The following CEP290 variants were observed in gnomAD, a reference collection of about 807,000 sequenced individuals.
CEP290 encodes centrosomal protein 290, also known as centrosomal protein of 290 kDa.
A neutral mutation model predicts 344.9 loss-of-function variants in CEP290; 317 were observed. The observed-to-expected ratio is 0.92, with a 90% CI of 0.84 to 1.01. CEP290 has a LOEUF of 1.01. Ranked by LOEUF, CEP290 falls within the 50% of genes least tolerant of loss-of-function variation. The probability of loss-of-function intolerance (pLI) is 0.00; values close to 1 mark genes in which losing one functional copy is unlikely to be tolerated. For synonymous variants in CEP290, 932 were observed against 895.8 expected, an observed-to-expected ratio of 1.04 and a Z score of -0.72; for missense variants, 2,754 against 2,761.4, an observed-to-expected ratio of 1.00 and a Z score of 0.06.
In CEP290 at chr12:88,129,747, T is replaced by A; in HGVS notation, c.799A>T (p.Thr267Ser). ...YNRMKAIVHQ[T>S]DNVIDQLKKE... ...TTTAACTGATCTATTACATTATCTG[T>A]CTGATGCACAATAGCTTTCATTCTA... The change falls in exon 10 of 54, where the codon ACA becomes TCA. Residue 267 changes from threonine (T) to serine (S), a missense_variant. Physicochemically the swap from Thr to Ser is moderately conservative, Grantham distance 58. Transcript: ENST00000552810. 1 of 1,486,072 alleles carries A rather than the reference T, an allele frequency of 6.7e-7. No homozygotes were observed. The highest frequency in any genetic ancestry group is 9.1e-7 in the Non-Finnish European group (1 of 1,103,838). The allele number at this position is 1,486,072 out of a possible 1,614,324, so 92.1% of individuals were successfully genotyped here.
intron 41 of CEP290, among the ~76,000 whole-genome samples, chr12:88,076,187 G>A (rs2035758468): frequency 6.6e-6 from 1 of 152,122 alleles, no homozygotes; most frequent in Non-Finnish European, 1.5e-5. Flanking sequence ...AGGACACTTT[G>A]ATCTTACAGT....
At chr12:88,059,565 G>A (rs1336872173) in intron 48 of CEP290, among the ~76,000 whole-genome samples, 3 of 151,972 alleles carry the variant, frequency 2.0e-5, no homozygotes, top group East Asian at 3.9e-4. Context: ...CCGCCACCAC[G>A]CCCGGCTAAT....
At chr12:88,097,274 G>A (rs1178690991) in intron 26 of CEP290, among the ~76,000 whole-genome samples, 1 of 152,170 alleles carries the variant, frequency 6.6e-6, no homozygotes, top group Admixed American at 6.5e-5. Context: ...TATGTCATGG[G>A]AGGGATTTGG....
At chr12:88,125,057 A>G (rs915585180) in intron 13 of CEP290, among the ~76,000 whole-genome samples, 189 bp downstream of exon 13, 1 of 151,960 alleles carries the variant, frequency 6.6e-6, no homozygotes, top group Non-Finnish European at 1.5e-5. Context: ...AATAATAGAA[A>G]ATGCATCCAT....
intron 6 of CEP290, among the ~76,000 whole-genome samples, chr12:88,135,374 T>G (rs1470961127): frequency 6.6e-6 from 1 of 152,106 alleles, no homozygotes; most frequent in Non-Finnish European, 1.5e-5. Flanking sequence ...GAATGATAAG[T>G]CAACTGATAC....
At chr12:88,075,808 G>C (rs923370404) in intron 41 of CEP290, among the ~76,000 whole-genome samples, 8 of 152,276 alleles carry the variant, frequency 5.3e-5, no homozygotes, top group African/African-American at 1.9e-4. Context: ...ACTGGGCATA[G>C]ACCCCTGTTT....
At chr12:88,102,715 ATC>A (rs2037986365) in intron 26 of CEP290, 121 bp downstream of exon 26, 8 of 680,594 alleles carry the variant, frequency 1.2e-5, no homozygotes, top group African/African-American at 3.7e-5. Flanking sequence ...GGATAATTAT[ATC>A]TCTGTTAAAT....
rs1396645704 is a variant in CEP290, at chr12:88,071,362, C to T, written c.5943G>A (p.Glu1981=). Residue 1981 remains glutamate, a synonymous_variant, in exon 43 of 54, where the codon GAG becomes GAA. Transcript: ENST00000552810. ...TTAATTCTTCCAATTCTTTTTCTGA[C>T]TCCAAAGCTCGTATTCCCAAAACCT... ...VDQVLGIRAL[E]SEKELEELKK... 1.2e-6 allele frequency: 2 copies of T among 1,610,430 alleles called. No homozygotes were observed. The highest frequency in any genetic ancestry group is 1.7e-5 in the Admixed American group (1 of 59,822).
At chr12:88,094,771 G>A (rs1053938353) in intron 27 of CEP290, among the ~76,000 whole-genome samples, 1 of 152,052 alleles carries the variant, frequency 6.6e-6, no homozygotes, top group African/African-American at 2.4e-5. Flanking sequence ...TAAAACTGAT[G>A]TGTTTAGGGT....
rs759638203 is a variant in CEP290, at chr12:88,050,432, A to T, written c.7131T>A (p.Asp2377Glu). The change falls in exon 53 of 54, where the codon GAT (aspartate) becomes GAA (glutamate). Residue 2377 changes from aspartate to glutamate, a missense_variant and splice_region_variant. By Grantham distance (45) the Asp-to-Glu change is conservative (BLOSUM62 2). Transcript: ENST00000552810. ...TTATTTTTTCCTTTAGTTGATCAGC[A>T]TCTGTTGAAAAAGTCATACAAATTA... ...DQSGAESTIP[D>E]ADQLKEKIKD... 6.6e-7 allele frequency: 1 copy of T among 1,504,630 alleles called. No individual in the cohort carries two copies. The allele number at this position is 1,504,630 out of a possible 1,614,324, so 93.2% of individuals were successfully genotyped here. A position where few individuals can be genotyped will look rare whatever the true frequency, so the allele number is the denominator to read the frequency against.
chr12:88,115,158 T>C lies in CEP290; in HGVS notation c.1849A>G (p.Ile617Val), dbSNP rs1293971049. 2 of 1,490,086 alleles carry C rather than the reference T, an allele frequency of 1.3e-6. No homozygotes were observed. The highest frequency in any genetic ancestry group is 4.6e-5 in the East Asian group (2 of 43,552). The allele number at this position is 1,490,086 out of a possible 1,614,324, so 92.3% of individuals were successfully genotyped here. A position where few individuals can be genotyped will look rare whatever the true frequency, so the allele number is the denominator to read the frequency against. ...CTTTCTAAATCTCTTTCTTTTTCAATTAGTTCTCTTGAAAGAAATTCATTC... is the reference window on the plus strand; with the variant it reads ...CTTTCTAAATCTCTTTCTTTTTCAACTAGTTCTCTTGAAAGAAATTCATTC... ...SKNEFLSREL[I>V]EKERDLERSR... is the part of the protein sequence containing the mutation. The change falls in exon 19 of 54, where the codon ATT (isoleucine) becomes GTT (valine). Residue 617 changes from isoleucine (I) to valine (V), a missense_variant. Transcript: ENST00000552810.
chr12:88,067,877 T>A (rs2035061399), intron 44 of CEP290, among the ~76,000 whole-genome samples: 1 of 152,230 alleles, frequency 6.6e-6, no homozygotes, highest in Admixed American at 6.5e-5. Flanking sequence ...TACCCAATTA[T>A]GTAAGTCATC....
intron 35 of CEP290, 69 bp from the exon 36 acceptor site, chr12:88,084,023 A>G: frequency 1.0e-6 from 1 of 961,092 alleles, no homozygotes; most frequent in Non-Finnish European, 1.6e-6. Context: ...TGAAGACCTT[A>G]TATATTTTCT....
intron 27 of CEP290, among the ~76,000 whole-genome samples, 156 bp downstream of exon 27, chr12:88,096,732 T>C (rs528986307): frequency 6.6e-6 from 1 of 152,174 alleles, no homozygotes; most frequent in African/African-American, 2.4e-5. Flanking sequence ...AAGTACAGGA[T>C]TATTCATCTG....
intron 20 of CEP290, among the ~76,000 whole-genome samples, chr12:88,113,332 TCATTTTAGA>T (rs1331911556): frequency 6.6e-6 from 1 of 151,908 alleles, no homozygotes; most frequent in East Asian, 1.9e-4. Context: ...GCATAAAGAA[TCATTTTAGA>T]CATTCAAAGT....
At chr12:88,060,799 C>A in intron 47 of CEP290, 31 bp downstream of exon 47, 2 of 1,437,318 alleles carry the variant, frequency 1.4e-6, no homozygotes, top group Non-Finnish European at 1.9e-6. Flanking sequence ...TAAAATATTC[C>A]CCTAAAAATG....
At chr12:88,134,943 T>C (rs968303322) in intron 6 of CEP290, among the ~76,000 whole-genome samples, 1 of 152,182 alleles carries the variant, frequency 6.6e-6, no homozygotes, top group African/African-American at 2.4e-5. Flanking sequence ...CCAGTCTAAC[T>C]ATACTTCAGG....
At chr12:88,102,288 T>G (rs778958274) in intron 26 of CEP290, among the ~76,000 whole-genome samples, 29 of 152,226 alleles carry the variant, frequency 1.9e-4, no homozygotes, top group Non-Finnish European at 4.1e-4. Context: ...TATTCTACAT[T>G]AAAATTCTAC....
chr12:88,085,906 G>T, intron 34 of CEP290, 133 bp downstream of exon 34: 2 of 807,754 alleles, frequency 2.5e-6, no homozygotes, highest in Non-Finnish European at 3.7e-6. Flanking sequence ...AACATTATAG[G>T]AGAATAGAAA....
Sources: gnomAD v4.1 joint callset for allele counts (sites outside exome capture counted in the v4.1 genomes callset) on GRCh38, gnomAD v4.1.1 for gene constraint, MANE v1.5 for transcripts, NCBI Gene and HGNC (gene_info 2026-07-23, HGNC 2026-07-21) for gene names.